The following ANKRD36 variants were observed in gnomAD, a reference collection of about 807,000 sequenced individuals.
ANKRD36 encodes the protein ankyrin repeat domain-containing protein 36A.
Under a neutral mutation model 278.1 loss-of-function variants are expected in ANKRD36, and 179 were observed. The ratio of observed to expected loss-of-function variants is 0.64; its 90% CI spans 0.57 to 0.73. The LOEUF is 0.73. Ranked by LOEUF, ANKRD36 falls within the 30% of genes least tolerant of loss-of-function variation. The probability of loss-of-function intolerance (pLI) is 0.00; values close to 1 mark genes in which losing one functional copy is unlikely to be tolerated. For synonymous variants in ANKRD36, 320 were observed against 641.1 expected (o/e 0.50, Z 7.57); for missense variants, 1,159 against 1,956.7 (o/e 0.59, Z 7.69).
At chr2:97,244,157 T>A (rs1047941121) in intron 70 of ANKRD36, 128 bp downstream of exon 70, 9 of 1,230,928 alleles carry the variant, frequency 7.3e-6, no homozygotes, top group African/African-American at 4.4e-5. Flanking sequence ...TAAAAATGAA[T>A]CATGGCATTT....
intron 67 of ANKRD36, among the ~76,000 whole-genome samples, 169 bp from the exon 68 acceptor site, chr2:97,233,561 G>C (rs2072911701): frequency 2.6e-5 from 4 of 152,016 alleles, no homozygotes; most frequent in Admixed American, 2.0e-4. Flanking sequence ...TAGACCATGT[G>C]GTCTTCTGAA....
At chr2:97,123,956 T>TA (rs773994558) in intron 4 of ANKRD36, among the ~76,000 whole-genome samples, 957 of 95,226 alleles carry the variant, frequency 0.01, 5 homozygotes, top group African/African-American at 0.016. Context: ...ATCCTCCATA[T>TA]TTATATATAT....
At position 97,180,383 on chromosome 2, in the gene ANKRD36, C is replaced by T. The variant is rs183494050; in HGVS notation, c.1735+450C>T. Reference sequence around the variant, plus strand: ...AGACCACTGATGTAGCAATTATTTTCCTCAAGGAAGAGGGATTGTGAGGCA... The same window carrying T: ...AGACCACTGATGTAGCAATTATTTTTCTCAAGGAAGAGGGATTGTGAGGCA... On this transcript the variant is annotated intron_variant, in intron 24 of 75. Transcript: ENST00000420699. Among the ~76,000 whole-genome samples, 29 of 151,612 alleles carry T rather than the reference C, an allele frequency of 1.9e-4. No individual in the cohort carries two copies. The Middle Eastern group carries it at 0.027, about 142-fold the overall frequency.
chr2:97,199,392 T>C (rs1376384309), intron 44 of ANKRD36, among the ~76,000 whole-genome samples: 3 of 151,852 alleles, frequency 2.0e-5, no homozygotes, highest in Non-Finnish European at 4.4e-5. Context: ...TGTGAATAAA[T>C]TTTGCTTCCT....
intron 66 of ANKRD36, among the ~76,000 whole-genome samples, chr2:97,220,761 C>CTTTTTTTTTTTTTTTATTTTTTTTT (rs60699692): frequency 1.4e-5 from 1 of 70,606 alleles, no homozygotes; most frequent in East Asian, 4.7e-4. Context: ...TTTTAATTTT[C>CTTTTTTTTTTTTTTTATTTTTTTTT]TTTTTTTTTT....
intron 22 of ANKRD36, among the ~76,000 whole-genome samples, chr2:97,173,965 A>T (rs535362098): frequency 2.3e-4 from 34 of 148,648 alleles, no homozygotes; most frequent in African/African-American, 6.4e-4. Flanking sequence ...AACTAGATTT[A>T]AAAAAAAAAG....
chr2:97,218,556 C>T (rs1163754672), intron 64 of ANKRD36, among the ~76,000 whole-genome samples: 2 of 151,480 alleles, frequency 1.3e-5, no homozygotes, highest in Non-Finnish European at 2.9e-5. Context: ...ACTGAAGACA[C>T]GTGAAGTGTA....
intron 15 of ANKRD36, among the ~76,000 whole-genome samples, chr2:97,157,050 A>G (rs1380860128): frequency 6.6e-6 from 1 of 151,358 alleles, no homozygotes; most frequent in Non-Finnish European, 1.5e-5. Flanking sequence ...AAGGACATAC[A>G]TTACTCTTTC....
chr2:97,179,993 A>G, intron 24 of ANKRD36, 60 bp downstream of exon 24: 1 of 1,596,384 alleles, frequency 6.3e-7, no homozygotes, highest in Non-Finnish European at 8.5e-7. Flanking sequence ...AACTTCCCTT[A>G]CCCAAATAAA....
chr2:97,115,873 A>G (rs943080459), intron 1 of ANKRD36, among the ~76,000 whole-genome samples: 4 of 150,656 alleles, frequency 2.7e-5, no homozygotes, highest in African/African-American at 9.8e-5. Flanking sequence ...ATGTATTTGG[A>G]AAACCCCTTA....
intron 1 of ANKRD36, 47 bp downstream of exon 1, chr2:97,113,983 T>C: frequency 4.5e-6 from 7 of 1,549,260 alleles, no homozygotes; most frequent in Non-Finnish European, 6.1e-6. Flanking sequence ...CCTGTGGATG[T>C]GGAGAAGTAC....
rs769648348 is a variant in ANKRD36 at position 97,149,396 on chromosome 2, T to G, written c.1101+35T>G. On this transcript the variant is annotated intron_variant, in intron 12 of 75. Transcript: ENST00000420699. Reference sequence around the variant, plus strand: ...TCTCTTGTGAAATTAATTTTCTCCCTCTGAATCTCATTTTTTATATTATTT... The same window carrying G: ...TCTCTTGTGAAATTAATTTTCTCCCGCTGAATCTCATTTTTTATATTATTT... 19 of 1,456,592 alleles carry G rather than the reference T, an allele frequency of 1.3e-5. No homozygotes were observed. The South Asian group carries it at 2.4e-4, about 18-fold the overall frequency. 90.2% of individuals were successfully genotyped at this position (1,456,592 alleles called of 1,614,324 possible). A position where few individuals can be genotyped will look rare whatever the true frequency, so the allele number is the denominator to read the frequency against.
intron 56 of ANKRD36, among the ~76,000 whole-genome samples, chr2:97,211,295 C>T (rs1344427451): frequency 2.0e-5 from 3 of 151,874 alleles, no homozygotes; most frequent in Admixed American, 6.6e-5. Context: ...ATTGACAGGG[C>T]TTTATTTTAG....
intron 6 of ANKRD36, among the ~76,000 whole-genome samples, chr2:97,138,432 AAG>A (rs1330430712): frequency 2.0e-5 from 3 of 152,108 alleles, no homozygotes; most frequent in African/African-American, 4.8e-5. Flanking sequence ...TCAAGGAAAT[AAG>A]AGACACAAAC....
chr2:97,113,892 T>A lies in ANKRD36; in HGVS notation c.153T>A (p.Leu51=). 6.2e-7 allele frequency: 1 copy of A among 1,613,108 alleles called. No homozygotes were observed. The highest frequency in any genetic ancestry group is 1.6e-4 in the Middle Eastern group (1 of 6,062). Residue 51 remains leucine, a synonymous_variant, in exon 1 of 76, where the codon CTT becomes CTA. Coordinates refer to ENST00000420699, the MANE Select transcript of ANKRD36 (RefSeq NM_001354587.1). ...LHGNLEKLKY[L]LLTYYDANKR... Reference sequence around the variant, plus strand: ...GTAATCTAGAGAAACTGAAGTACCTTCTGCTCACGTATTATGACGCCAATA... The same window carrying A: ...GTAATCTAGAGAAACTGAAGTACCTACTGCTCACGTATTATGACGCCAATA...
chr2:97,196,681 T>C (rs1350358405), intron 41 of ANKRD36, 35 bp from the exon 42 acceptor site: 2 of 1,585,872 alleles, frequency 1.3e-6, no homozygotes, highest in Non-Finnish European at 1.7e-6. Context: ...AAACATACTT[T>C]ATTTATTTAT....
Position 97,208,017 on chromosome 2 carries a change from A to G in ANKRD36, c.3265+11A>G, listed in dbSNP as rs1256167781. ...AAAAAACTAAGAGAGGTAATTTTGAAAAGAGATTTAATGTCATGTTCAGTG... is the reference window on the plus strand; with the variant it reads ...AAAAAACTAAGAGAGGTAATTTTGAGAAGAGATTTAATGTCATGTTCAGTG... On this transcript the variant is annotated intron_variant, in intron 54 of 75. Coordinates refer to ENST00000420699, the MANE Select transcript of ANKRD36 (RefSeq NM_001354587.1). 6.6e-7 allele frequency: 1 copy of G among 1,510,994 alleles called. No homozygotes were observed. Among genetic ancestry groups the G allele is most frequent in the Non-Finnish European group, 8.9e-7 (1 of 1,124,206 alleles). 93.6% of individuals were successfully genotyped at this position (1,510,994 alleles called of 1,614,324 possible).
intron 60 of ANKRD36, among the ~76,000 whole-genome samples, chr2:97,213,927 A>G (rs2153634191): frequency 6.6e-6 from 1 of 151,820 alleles, no homozygotes; most frequent in Admixed American, 6.6e-5. Flanking sequence ...ATAAGGGTAG[A>G]AGGAGAAAGA....
intron 52 of ANKRD36, among the ~76,000 whole-genome samples, chr2:97,207,127 G>A (rs1178430430): frequency 6.6e-6 from 1 of 151,446 alleles, no homozygotes; most frequent in Non-Finnish European, 1.5e-5. Context: ...TATTTTTATT[G>A]AGGCTAATAT....
Sources: allele counts gnomAD v4.1 joint callset (sites outside exome capture counted in the v4.1 genomes callset), GRCh38; gene constraint gnomAD v4.1.1; transcripts MANE v1.5; gene names NCBI Gene and HGNC (gene_info 2026-07-23, HGNC 2026-07-21).